The following B4GALNT3 variants were observed in gnomAD, a reference collection of about 807,000 sequenced individuals.
B4GALNT3 encodes the protein beta-1,4-N-acetylgalactosaminyltransferase 3.
Under a neutral mutation model 120.2 loss-of-function variants are expected in B4GALNT3, and 86 were observed. The ratio of observed to expected loss-of-function variants is 0.72; its 90% CI spans 0.60 to 0.86. B4GALNT3 has a LOEUF of 0.86. Among genes scored for constraint, B4GALNT3 ranks in the 40% least tolerant of loss-of-function variants. B4GALNT3 has a pLI of 0.00. For missense variants in B4GALNT3, 1,167 were observed against 1,298.9 expected, an observed-to-expected ratio of 0.90 and a Z score of 1.56; for synonymous variants, 518 against 510.4, an observed-to-expected ratio of 1.01 and a Z score of -0.20.
chr12:513,744 A>C (rs1030697818), intron 1 of B4GALNT3, among the ~76,000 whole-genome samples: 15 of 152,218 alleles, frequency 9.9e-5, no homozygotes, highest in Non-Finnish European at 1.9e-4. Flanking sequence ...CTCTGACAAT[A>C]GCTCACTACG....
At chr12:544,503 A>C in intron 4 of B4GALNT3, 69 bp downstream of exon 4, 2 of 1,358,092 alleles carry the variant, frequency 1.5e-6, no homozygotes, top group Non-Finnish European at 2.1e-6. Context: ...TCTGTCTCTC[A>C]TCTTTCCTTA....
intron 14 of B4GALNT3, among the ~76,000 whole-genome samples, chr12:554,279 G>A (rs1015433020): frequency 2.0e-5 from 3 of 152,212 alleles, no homozygotes; most frequent in Admixed American, 6.5e-5. Flanking sequence ...CCCCTCCTCC[G>A]AGGAAAGAGC....
At chr12:513,180 TCTTCCAC>T (rs201505869) in intron 1 of B4GALNT3, among the ~76,000 whole-genome samples, 80 of 142,938 alleles carry the variant, frequency 5.6e-4, no homozygotes, top group East Asian at 2.6e-3. Flanking sequence ...CCTTCCACCT[TCTTCCAC>T]CTTCCACCTT....
At chr12:469,790 G>A (rs79836015) in intron 1 of B4GALNT3, among the ~76,000 whole-genome samples, 7,227 of 152,092 alleles carry the variant, frequency 0.048, 539 homozygotes, top group African/African-American at 0.16. Context: ...AGGAACACCT[G>A]GCAGTTATCT....
At chr12:540,168 C>T (rs1946900169) in intron 3 of B4GALNT3, among the ~76,000 whole-genome samples, 1 of 152,228 alleles carries the variant, frequency 6.6e-6, no homozygotes, top group Admixed American at 6.5e-5. Context: ...CTTCCGAGTG[C>T]TCCTGGAGGA....
chr12:558,567 C>G lies in B4GALNT3; in HGVS notation c.2667C>G (p.Ile889Met). The change falls in exon 18 of 20, where the codon ATC (isoleucine) becomes ATG (methionine). Residue 889 changes from isoleucine to methionine, a missense_variant. Ile to Met is a conservative substitution (Grantham distance 10, BLOSUM62 1). Coordinates refer to ENST00000266383, the MANE Select transcript of B4GALNT3 (RefSeq NM_173593.4). ...DLHIHFPAGV[I>M]DAIRKHCVEG... is the part of the protein sequence containing the mutation. ...ACATCCACTTCCCAGCTGGAGTCAT[C>G]GATGCCATTCGGAAGCACTGTGTGG... 1.2e-6 allele frequency: 2 copies of G among 1,614,156 alleles called. No individual in the cohort carries two copies. The highest frequency in any genetic ancestry group is 1.7e-6 in the Non-Finnish European group (2 of 1,180,008).
chr12:552,027 C>A, intron 11 of B4GALNT3, 36 bp from the exon 12 acceptor site: 2 of 1,474,726 alleles, frequency 1.4e-6, no homozygotes, highest in Non-Finnish European at 1.9e-6. Context: ...CAAGATCTCA[C>A]TCTCTTACTC....
intron 1 of B4GALNT3, among the ~76,000 whole-genome samples, chr12:500,215 C>T (rs762137978): frequency 5.3e-5 from 8 of 152,090 alleles, no homozygotes; most frequent in African/African-American, 7.2e-5. Context: ...GCAATCATAC[C>T]GCACTGCAGC....
chr12:543,327 C>T (rs1418343669), intron 3 of B4GALNT3: 11 of 756,430 alleles, frequency 1.5e-5, no homozygotes, highest in East Asian at 6.5e-5. Flanking sequence ...CTGGGATGGG[C>T]ATGGGGTGGT....
intron 1 of B4GALNT3, among the ~76,000 whole-genome samples, chr12:534,035 C>T (rs1361662442): frequency 1.3e-5 from 2 of 152,166 alleles, no homozygotes; most frequent in South Asian, 2.1e-4. Context: ...TCCCAGGGGT[C>T]GGGGACTGTC....
intron 1 of B4GALNT3, among the ~76,000 whole-genome samples, chr12:501,428 C>T (rs1565594932): frequency 6.6e-6 from 1 of 152,098 alleles, no homozygotes; most frequent in East Asian, 1.9e-4. Flanking sequence ...AAATAGGGAT[C>T]AGATTAGCCA....
chr12:558,210 CCT>C (rs1947182505), intron 17 of B4GALNT3, 122 bp downstream of exon 17: 2 of 1,099,992 alleles, frequency 1.8e-6, no homozygotes, highest in African/African-American at 3.1e-5. Context: ...CACAGGAGGT[CCT>C]CTCTGCTGTG....
intron 13 of B4GALNT3, 195 bp from the exon 14 acceptor site, chr12:552,999 A>G (rs1947102514): frequency 1.4e-6 from 1 of 710,576 alleles, no homozygotes; most frequent in Non-Finnish European, 2.3e-6. Context: ...TATTCCCTTT[A>G]TGCAGATGAA....
chr12:501,848 G>C (rs139969802), intron 1 of B4GALNT3, among the ~76,000 whole-genome samples: 1 of 152,190 alleles, frequency 6.6e-6, no homozygotes, highest in East Asian at 1.9e-4. Context: ...TTCTCTTGTC[G>C]GTCATCTCTG....
chr12:539,547 AAAAAG>A (rs1946894792), intron 3 of B4GALNT3, among the ~76,000 whole-genome samples: 1 of 151,970 alleles, frequency 6.6e-6, no homozygotes, highest in Non-Finnish European at 1.5e-5. Context: ...AAAAAAAAAA[AAAAAG>A]AAAGAAACAG....
intron 1 of B4GALNT3, among the ~76,000 whole-genome samples, chr12:473,248 G>A (rs1009297801): frequency 3.3e-5 from 5 of 152,102 alleles, no homozygotes; most frequent in African/African-American, 1.2e-4. Context: ...GATTACAGGC[G>A]TGAGCCACCC....
At chr12:513,018 C>CACCTTCCACCTTCCACCTTCT (rs1946611549) in intron 1 of B4GALNT3, among the ~76,000 whole-genome samples, 1 of 144,190 alleles carries the variant, frequency 6.9e-6, no homozygotes, top group Non-Finnish European at 1.5e-5. Flanking sequence ...TTCCGCCTTC[C>CACCTTCCACCTTCCACCTTCT]ACCTTCCACC....
intron 1 of B4GALNT3, among the ~76,000 whole-genome samples, chr12:511,288 C>T (rs1403567161): frequency 3.0e-5 from 4 of 134,060 alleles, no homozygotes; most frequent in Non-Finnish European, 6.3e-5. Flanking sequence ...CTTCTTCCAC[C>T]TTCGACCTTC....
At position 550,984 on chromosome 12, in the gene B4GALNT3, T is replaced by G. The variant is rs1469417269; in HGVS notation, c.1060T>G (p.Tyr354Asp). Residue 354 changes from tyrosine (Y) to aspartate (D), a missense_variant, in exon 11 of 20, where the codon TAT becomes GAT. Tyr to Asp is a radical substitution (Grantham distance 160). Around this residue, in one of 3 missense-constraint regions of B4GALNT3, gnomAD observed 983 missense variants for 1,102.5 expected, o/e 0.89. Coordinates refer to ENST00000266383, the MANE Select transcript of B4GALNT3 (RefSeq NM_173593.4). This position sits in a 1 kb window ranked among gnomAD's most constrained non-coding sequence, Gnocchi z 4.1. ...GCCTGACTGTCCCTACAAACCCAGCTATCTGGTGGATGGGCTTCCTCTGCA... is the reference window on the plus strand; with the variant it reads ...GCCTGACTGTCCCTACAAACCCAGCGATCTGGTGGATGGGCTTCCTCTGCA... ...VLPDCPYKPSYLVDGLPLQRY... is the reference protein window; with the variant it reads ...VLPDCPYKPSDLVDGLPLQRY... The G allele has an allele frequency of 5.6e-6, 9 of 1,614,154 alleles. No homozygotes were observed. The highest frequency in any genetic ancestry group is 7.6e-6 in the Non-Finnish European group (9 of 1,179,960).
Sources: gnomAD v4.1 joint callset for allele counts (sites outside exome capture counted in the v4.1 genomes callset) on GRCh38, gnomAD v4.1.1 for gene constraint, gnomAD v4.1.1 regional missense constraint, Gnocchi (gnomAD v3.1) non-coding constraint, MANE v1.5 for transcripts, NCBI Gene and HGNC (gene_info 2026-07-23, HGNC 2026-07-21) for gene names.